Variants in MIR2052HG observed in about 807,000 individuals in gnomAD.
MIR2052HG encodes the protein MIR2052 host gene.
chr8:74,734,977 C>G (rs528370575), intron 4 of MIR2052HG, among the ~76,000 whole-genome samples: 101 of 152,312 alleles, frequency 6.6e-4, no homozygotes, highest in African/African-American at 2.3e-3. Flanking sequence ...ACATATCTGT[C>G]AGTGGCCTGG....
intron 1 of MIR2052HG, chr8:74,604,245 G>A: frequency 1.1e-6 from 1 of 878,796 alleles, no homozygotes; most frequent in South Asian, 1.3e-5. Context: ...TGGTTTCCAT[G>A]TCGAGCAGTG....
chr8:74,687,669 A>G (rs553957996), intron 2 of MIR2052HG, among the ~76,000 whole-genome samples: 110 of 152,200 alleles, frequency 7.2e-4, no homozygotes, highest in African/African-American at 2.6e-3. Context: ...TGCAGTTGCC[A>G]GGGGTTGGGG....
intron 4 of MIR2052HG, among the ~76,000 whole-genome samples, chr8:74,734,153 C>T (rs1480201555): frequency 1.4e-5 from 2 of 147,082 alleles, no homozygotes; most frequent in Non-Finnish European, 3.0e-5. Flanking sequence ...CATTTAGTTG[C>T]TTGAGTCCTG....
intron 2 of MIR2052HG, among the ~76,000 whole-genome samples, chr8:74,692,919 G>A (rs917911091): frequency 2.0e-5 from 3 of 152,066 alleles, no homozygotes; most frequent in African/African-American, 4.8e-5. Flanking sequence ...CTTTCTCGGG[G>A]TATGATTTGG....
At chr8:74,741,599 G>A (rs187900982) in intron 4 of MIR2052HG, among the ~76,000 whole-genome samples, 10 of 152,214 alleles carry the variant, frequency 6.6e-5, no homozygotes, top group African/African-American at 1.9e-4. Flanking sequence ...TTCCAAGGCA[G>A]CCTTACATAA....
intron 2 of MIR2052HG, among the ~76,000 whole-genome samples, chr8:74,682,439 T>A (rs1809135783): frequency 1.3e-5 from 2 of 152,014 alleles, no homozygotes; most frequent in Non-Finnish European, 2.9e-5. Flanking sequence ...TATTACAGAT[T>A]ACTAAAAATT....
chr8:74,620,886 T>G (rs1808352385), intron 2 of MIR2052HG, among the ~76,000 whole-genome samples: 2 of 152,254 alleles, frequency 1.3e-5, no homozygotes, highest in African/African-American at 4.8e-5. Flanking sequence ...TTATTTTCTA[T>G]TGCATGGTCA....
Position 74,739,959 on chromosome 8 carries a change from G to A in MIR2052HG, n.372-12482G>A, listed in dbSNP as rs150568525. Among the ~76,000 whole-genome samples, 41 of 152,140 alleles carry A rather than the reference G, an allele frequency of 2.7e-4. No homozygotes were observed. In the East Asian group the frequency reaches 4.4e-3, roughly 16 times the overall value. On this transcript the variant is annotated intron_variant and non_coding_transcript_variant, in intron 4 of 6. Coordinates refer to ENST00000523442, the Ensembl canonical transcript of MIR2052HG. The stretch of plus-strand genomic sequence containing the variant: ...TCTAATGTTTATACACTATTCTAAC[G>A]TCTAGATTTTCCACCACAATTATGC...
At chr8:74,742,549 A>G (rs552271378) in intron 4 of MIR2052HG, among the ~76,000 whole-genome samples, 23 of 152,184 alleles carry the variant, frequency 1.5e-4, no homozygotes, top group Admixed American at 4.6e-4. Flanking sequence ...TCTCTGAGTG[A>G]GGCACCAACC....
intron 2 of MIR2052HG, among the ~76,000 whole-genome samples, chr8:74,679,765 C>T (rs1039186338): frequency 5.3e-5 from 8 of 151,980 alleles, no homozygotes. Context: ...TGGTTTTGAA[C>T]TCCTGACCTC....
intron 1 of MIR2052HG, among the ~76,000 whole-genome samples, chr8:74,605,985 C>A (rs1808105336): frequency 6.6e-6 from 1 of 152,022 alleles, no homozygotes; most frequent in Non-Finnish European, 1.5e-5. Flanking sequence ...TTCTCTGGCC[C>A]CGAAGAAGGG....
At chr8:74,651,597 G>A (rs1238992497) in intron 2 of MIR2052HG, among the ~76,000 whole-genome samples, 2 of 152,166 alleles carry the variant, frequency 1.3e-5, no homozygotes, top group Non-Finnish European at 2.9e-5. Flanking sequence ...AGTAATTCAA[G>A]TTGGTGTATG....
intron 2 of MIR2052HG, among the ~76,000 whole-genome samples, chr8:74,655,615 A>C (rs1808798446): frequency 1.3e-5 from 2 of 152,200 alleles, no homozygotes; most frequent in Admixed American, 6.5e-5. Flanking sequence ...TAGATTTCAG[A>C]AGATGTATGG....
Position 74,674,137 on chromosome 8 carries a change from TG to T in MIR2052HG, n.217-28241del, listed in dbSNP as rs1424466748. On this transcript the variant is annotated intron_variant and non_coding_transcript_variant, in intron 2 of 6. Coordinates refer to ENST00000523442, the Ensembl canonical transcript of MIR2052HG. The stretch of plus-strand genomic sequence containing the variant: ...GTAGACCGGTTATACCAGAGGTTTT[TG>T]TGTGTGTGTGTGTGTGTGTGTGTGT... Among the ~76,000 whole-genome samples, 32 of 47,312 alleles carry T rather than the reference TG, an allele frequency of 6.8e-4. No individual in the cohort carries two copies. In the African/African-American group the frequency reaches 0.019, roughly 28 times the overall value. 31.0% of individuals were successfully genotyped at this position (47,312 alleles called of 152,430 possible). A position where few individuals can be genotyped will look rare whatever the true frequency, so the allele number is the denominator to read the frequency against.
At chr8:74,698,142 C>A (rs1267866566) in intron 2 of MIR2052HG, among the ~76,000 whole-genome samples, 1 of 152,130 alleles carries the variant, frequency 6.6e-6, no homozygotes, top group Non-Finnish European at 1.5e-5. Flanking sequence ...CAGCATTGTA[C>A]TGGTACTAAA....
chr8:74,677,865 C>T (rs1302779811), intron 2 of MIR2052HG, among the ~76,000 whole-genome samples: 1 of 152,020 alleles, frequency 6.6e-6, no homozygotes, highest in African/African-American at 2.4e-5. Flanking sequence ...AAAGTGGTTT[C>T]TCTAAAAGAC....
chr8:74,680,849 G>A (rs1167749823), intron 2 of MIR2052HG, among the ~76,000 whole-genome samples: 1 of 151,570 alleles, frequency 6.6e-6, no homozygotes, highest in African/African-American at 2.4e-5. Flanking sequence ...TTAAGAAAAT[G>A]TGGCACATAT....
chr8:74,607,336 G>T (rs1031471027), intron 1 of MIR2052HG, among the ~76,000 whole-genome samples: 10 of 152,160 alleles, frequency 6.6e-5, no homozygotes, highest in Admixed American at 2.0e-4. Context: ...AACAGGCCAG[G>T]CATGGTGGCT....
chr8:74,603,308 C>A (rs1159610028), intron 1 of MIR2052HG: 7 of 1,597,380 alleles, frequency 4.4e-6, no homozygotes, highest in African/African-American at 4.0e-5. Context: ...CCCATGCCAC[C>A]CGTCTCCGAG....
Sources: allele counts gnomAD v4.1 joint callset (sites outside exome capture counted in the v4.1 genomes callset), GRCh38; gene constraint gnomAD v4.1.1; transcripts MANE v1.5; gene names NCBI Gene and HGNC (gene_info 2026-07-23, HGNC 2026-07-21).